Variants in PIK3CB observed in about 807,000 individuals in gnomAD.
PIK3CB encodes the protein phosphatidylinositol 4,5-bisphosphate 3-kinase catalytic subunit beta isoform.
A neutral mutation model predicts 136.8 loss-of-function variants in PIK3CB; 39 were observed. The ratio of observed to expected loss-of-function variants is 0.29; its 90% CI spans 0.22 to 0.37. The LOEUF (loss-of-function observed/expected upper bound fraction) is 0.37. Ranked by LOEUF, PIK3CB falls within the 10% of genes least tolerant of loss-of-function variation. The pLI, the probability that PIK3CB is intolerant of heterozygous loss-of-function variation, is 1.00. For synonymous variants in PIK3CB, 428 were observed against 436.6 expected, an observed-to-expected ratio of 0.98 and a Z score of 0.25; for missense variants, 868 against 1,275.4, an observed-to-expected ratio of 0.68 and a Z score of 4.87.
In PIK3CB at chr3:138,803,453, C is replaced by T. The variant is rs75280306; in HGVS notation, c.-121-6886G>A. The stretch of plus-strand genomic sequence containing the variant: ...TCCTCCCAAACCAAGTAAACACCAA[C>T]ATGATAGCATTACTGAACACAGGAC... On this transcript the variant is annotated intron_variant, in intron 1 of 23. Transcript: ENST00000674063. Among the ~76,000 whole-genome samples, 936 of 152,318 alleles carry T rather than the reference C, an allele frequency of 6.1e-3. 5 individuals carry two copies. Among genetic ancestry groups the T allele is most frequent in the African/African-American group, 0.021 (872 of 41,578 alleles).
chr3:138,745,465 T>G (rs1328690417), intron 4 of PIK3CB, among the ~76,000 whole-genome samples: 1 of 152,042 alleles, frequency 6.6e-6, no homozygotes, highest in Non-Finnish European at 1.5e-5. Flanking sequence ...AAACCCCATC[T>G]CTATTAAAAA....
At chr3:138,659,924 A>T (rs574902799) in intron 21 of PIK3CB, among the ~76,000 whole-genome samples, 2 of 124,182 alleles carry the variant, frequency 1.6e-5, no homozygotes, top group Non-Finnish European at 3.1e-5. Flanking sequence ...CGCCCAGGCT[A>T]GAGTGCAGTG....
At chr3:138,799,461 C>T (rs2046147630) in intron 1 of PIK3CB, among the ~76,000 whole-genome samples, 1 of 151,898 alleles carries the variant, frequency 6.6e-6, no homozygotes, top group Non-Finnish European at 1.5e-5. Context: ...TACCTCTCTA[C>T]AATTAATCCG....
chr3:138,824,756 G>C (rs763091859), intron 1 of PIK3CB, among the ~76,000 whole-genome samples: 23 of 151,704 alleles, frequency 1.5e-4, no homozygotes, highest in Non-Finnish European at 3.2e-4. Context: ...GTCACAAAAA[G>C]AAAGATCCTA....
chr3:138,760,283 C>T (rs368201234), intron 2 of PIK3CB, among the ~76,000 whole-genome samples: 1 of 152,118 alleles, frequency 6.6e-6, no homozygotes, highest in Non-Finnish European at 1.5e-5. Flanking sequence ...AACACCAAAT[C>T]GCTCAATACA....
At chr3:138,685,395 T>TC (rs2043862860) in intron 16 of PIK3CB, among the ~76,000 whole-genome samples, 2 of 4,880 alleles carry the variant, frequency 4.1e-4, no homozygotes, top group African/African-American at 3.5e-3. Flanking sequence ...AGAAACTGTC[T>TC]CAAAAAAAAA....
chr3:138,768,938 T>C (rs1576402544), intron 2 of PIK3CB, among the ~76,000 whole-genome samples: 1 of 151,884 alleles, frequency 6.6e-6, no homozygotes, highest in East Asian at 1.9e-4. Context: ...CTAAGGAGTG[T>C]GGGGATGCCT....
intron 8 of PIK3CB, among the ~76,000 whole-genome samples, chr3:138,727,915 T>C (rs370143388): frequency 3.9e-5 from 6 of 152,162 alleles, no homozygotes; most frequent in East Asian, 1.9e-4. Context: ...TGGAGTGCAA[T>C]GGTGTGACCT....
At chr3:138,743,482 G>C (rs1165887814) in intron 4 of PIK3CB, among the ~76,000 whole-genome samples, 2 of 152,182 alleles carry the variant, frequency 1.3e-5, no homozygotes, top group East Asian at 3.9e-4. Context: ...GTTCTTTATT[G>C]TTTGGTTGAT....
intron 12 of PIK3CB, among the ~76,000 whole-genome samples, chr3:138,701,259 A>C (rs1347807997): frequency 6.6e-6 from 1 of 152,018 alleles, no homozygotes; most frequent in Admixed American, 6.6e-5. Flanking sequence ...ACACTGAAGA[A>C]CTGTTTCGGA....
At chr3:138,826,604 T>C (rs1360874177) in intron 1 of PIK3CB, among the ~76,000 whole-genome samples, 1 of 144,614 alleles carries the variant, frequency 6.9e-6, no homozygotes, top group Admixed American at 7.3e-5. Flanking sequence ...GGTCACAGAA[T>C]TTTGAGACCC....
chr3:138,784,431 TCGTCTC>T (rs538932738), intron 2 of PIK3CB, among the ~76,000 whole-genome samples: 5 of 151,086 alleles, frequency 3.3e-5, no homozygotes, highest in African/African-American at 4.9e-5. Flanking sequence ...CCTCTCCCTC[TCGTCTC>T]CGTCTCCGTC....
At chr3:138,820,789 T>C (rs1444802880) in intron 1 of PIK3CB, among the ~76,000 whole-genome samples, 4 of 152,250 alleles carry the variant, frequency 2.6e-5, no homozygotes, top group Middle Eastern at 6.8e-3. Flanking sequence ...CCACCGTGCC[T>C]GGTCCACTTT....
intron 4 of PIK3CB, among the ~76,000 whole-genome samples, chr3:138,743,561 CA>C (rs2045286997): frequency 6.6e-6 from 1 of 152,072 alleles, no homozygotes; most frequent in South Asian, 2.1e-4. Flanking sequence ...AACATTCATT[CA>C]TTCATTCATT....
In PIK3CB at chr3:138,715,037, A is replaced by G. The variant is rs527888969; in HGVS notation, c.1051-318T>C. Among the ~76,000 whole-genome samples, 11 of 152,286 alleles carry G rather than the reference A, an allele frequency of 7.2e-5. No homozygotes were observed. The South Asian group carries it at 2.3e-3, about 32-fold the overall frequency. On this transcript the variant is annotated intron_variant, in intron 8 of 23. Coordinates refer to ENST00000674063, the MANE Select transcript of PIK3CB (RefSeq NM_006219.3). ...CAATGGTTTAAACAGGTCTAAAGAAACCGTGACAGTAAGTATAAGCATACT... is the reference window on the plus strand; with the variant it reads ...CAATGGTTTAAACAGGTCTAAAGAAGCCGTGACAGTAAGTATAAGCATACT...
intron 8 of PIK3CB, among the ~76,000 whole-genome samples, chr3:138,732,461 A>T (rs1225502599): frequency 6.6e-6 from 1 of 152,224 alleles, no homozygotes; most frequent in African/African-American, 2.4e-5. Flanking sequence ...TATATCTTCA[A>T]GCAACAAACA....
At chr3:138,658,599 T>A (rs1440647130) in intron 21 of PIK3CB, among the ~76,000 whole-genome samples, 1 of 152,224 alleles carries the variant, frequency 6.6e-6, no homozygotes, top group African/African-American at 2.4e-5. Context: ...TTTATATTTA[T>A]TTTTGCTCCC....
intron 22 of PIK3CB, among the ~76,000 whole-genome samples, chr3:138,656,522 C>T (rs3773749): frequency 1.1e-4 from 17 of 152,100 alleles, no homozygotes; most frequent in East Asian, 9.6e-4. Flanking sequence ...AATTCTATGA[C>T]GAAAGGCTAT....
At chr3:138,787,321 G>A (rs563496331) in intron 2 of PIK3CB, among the ~76,000 whole-genome samples, 5 of 145,836 alleles carry the variant, frequency 3.4e-5, no homozygotes, top group East Asian at 2.0e-4. Flanking sequence ...AGCCGAGATC[G>A]CACCACCGCA....
Sources: gnomAD v4.1 joint callset for allele counts (sites outside exome capture counted in the v4.1 genomes callset) on GRCh38, gnomAD v4.1.1 for gene constraint, MANE v1.5 for transcripts, NCBI Gene and HGNC (gene_info 2026-07-23, HGNC 2026-07-21) for gene names.